COL4A2: variants seen among roughly 807,000 people sequenced by gnomAD.
COL4A2 encodes the protein collagen type IV alpha 2 chain.
In COL4A2, 99 loss-of-function variants were observed where a neutral mutation model predicts 200.2. The ratio of observed to expected loss-of-function variants is 0.49; its 90% CI spans 0.42 to 0.58. The LOEUF (loss-of-function observed/expected upper bound fraction) is 0.58. Ranked by LOEUF, COL4A2 falls within the 20% of genes least tolerant of loss-of-function variation. The probability of loss-of-function intolerance (pLI) is 0.00; values close to 1 mark genes in which losing one functional copy is unlikely to be tolerated. For missense variants in COL4A2, 1,950 were observed against 2,314.1 expected (o/e 0.84, Z 3.23); for synonymous variants, 897 against 900.6 (o/e 1.00, Z 0.07).
intron 39 of COL4A2, among the ~76,000 whole-genome samples, chr13:110,495,033 C>A (rs567552686): frequency 3.3e-5 from 5 of 152,148 alleles, no homozygotes; most frequent in African/African-American, 9.7e-5. Context: ...TGAAGAGAAG[C>A]CCCCAGGAGC....
chr13:110,319,740 A>G (rs898348745), intron 3 of COL4A2, among the ~76,000 whole-genome samples: 1 of 152,202 alleles, frequency 6.6e-6, no homozygotes, highest in Admixed American at 6.5e-5. Flanking sequence ...AAGACCAAGT[A>G]GGGACCTGAG....
Position 110,480,304 on chromosome 13 carries a change from A to G in COL4A2, c.2672A>G (p.Asp891Gly), listed in dbSNP as rs769402563. Residue 891 changes from aspartate (D) to glycine (G), a missense_variant, in exon 31 of 48, where the codon GAT (aspartate) becomes GGT (glycine). By Grantham distance (94) the Asp-to-Gly change is moderately conservative. Around this residue, in one of 2 missense-constraint regions of COL4A2, gnomAD observed 1,385 missense variants for 1,720.5 expected, o/e 0.80. Transcript: ENST00000360467. ...GMKGLSGDRGDAGFTGEQGHP... is the reference protein window; with the variant it reads ...GMKGLSGDRGGAGFTGEQGHP... ...AAAGGTCTCTCTGGTGACAGAGGAG[A>G]TGCTGGCTTCACAGGGGAGCAAGGC... 6.2e-6 allele frequency: 10 copies of G among 1,613,854 alleles called. No individual in the cohort carries two copies. Among genetic ancestry groups the G allele is most frequent in the South Asian group, 4.4e-5 (4 of 91,048 alleles).
At chr13:110,408,208 G>A (rs1185032034) in intron 4 of COL4A2, among the ~76,000 whole-genome samples, 1 of 152,210 alleles carries the variant, frequency 6.6e-6, no homozygotes, top group Non-Finnish European at 1.5e-5. Flanking sequence ...AGGAGGGAGG[G>A]GGCAGCTGTG....
At chr13:110,402,844 C>T (rs2139432080) in intron 4 of COL4A2, among the ~76,000 whole-genome samples, 1 of 145,376 alleles carries the variant, frequency 6.9e-6, no homozygotes, top group South Asian at 2.2e-4. Context: ...GAGGTGGCCA[C>T]ATTCTCACAG....
chr13:110,465,262 C>A, intron 24 of COL4A2, 143 bp from the exon 25 acceptor site: 1 of 1,085,804 alleles, frequency 9.2e-7, no homozygotes, highest in Non-Finnish European at 1.3e-6. Flanking sequence ...CTGACCATGG[C>A]ACTAGGTTCC....
intron 4 of COL4A2, among the ~76,000 whole-genome samples, chr13:110,394,776 A>G (rs1304303815): frequency 1.3e-5 from 2 of 152,210 alleles, no homozygotes; most frequent in Non-Finnish European, 2.9e-5. Flanking sequence ...GCATTCCATC[A>G]TGTAATACAT....
intron 6 of COL4A2, among the ~76,000 whole-genome samples, chr13:110,426,284 CCAA>C (rs1328693781): frequency 1.3e-5 from 2 of 152,142 alleles, no homozygotes; most frequent in Admixed American, 6.5e-5. Flanking sequence ...CTCATCTGTA[CCAA>C]GTTTCCTTCA....
At chr13:110,460,706 T>C (rs1046160188) in intron 22 of COL4A2, among the ~76,000 whole-genome samples, 2 of 152,206 alleles carry the variant, frequency 1.3e-5, no homozygotes, top group Non-Finnish European at 2.9e-5. Flanking sequence ...TGGGAGTTTT[T>C]TGGTTAGTTT....
intron 4 of COL4A2, among the ~76,000 whole-genome samples, chr13:110,376,552 C>T (rs1437252077): frequency 6.6e-6 from 1 of 152,128 alleles, no homozygotes; most frequent in Non-Finnish European, 1.5e-5. Context: ...GGAAACTTTA[C>T]TTTTTTATAA....
At chr13:110,447,267 C>A (rs2139477831) in intron 18 of COL4A2, among the ~76,000 whole-genome samples, 1 of 152,320 alleles carries the variant, frequency 6.6e-6, no homozygotes, top group Non-Finnish European at 1.5e-5. Context: ...GGTTCTTAAG[C>A]CCTCTGCTTG....
rs7992330 is a variant in COL4A2 at position 110,462,404 on chromosome 13, G to A, written c.1776+20G>A. 0.27 allele frequency: 438,200 copies of A among 1,609,344 alleles called. 62,881 individuals carry two copies. The highest frequency in any genetic ancestry group is 0.3 in the Non-Finnish European group (354,114 of 1,178,614). ...CCTCCCGTGAGTAGCCACAAACTGC[G>A]GCAGCTCCGTCCTCTCTTCTTCATC... On this transcript the variant is annotated intron_variant, in intron 24 of 47. Transcript: ENST00000360467.
chr13:110,414,356 A>T (rs779101885), intron 4 of COL4A2, among the ~76,000 whole-genome samples: 1 of 152,220 alleles, frequency 6.6e-6, no homozygotes, highest in Non-Finnish European at 1.5e-5. Flanking sequence ...TACATATATA[A>T]ATTCTTCCCA....
intron 29 of COL4A2, chr13:110,473,490 A>T (rs562022820): frequency 3.6e-6 from 1 of 277,064 alleles, no homozygotes; most frequent in Non-Finnish European, 6.7e-6. Context: ...GGTATGAAGA[A>T]AAGATGGGCC....
In COL4A2 at chr13:110,511,914, C is replaced by T. The variant is rs1160422043; in HGVS notation, c.4882-20C>T. On this transcript the variant is annotated intron_variant, in intron 47 of 47. Transcript: ENST00000360467. ...GCAGGCTGTGATTCCTAACCCTGTC[C>T]TGCCCCCCTCTCTGTGCAGCACACG... 6.2e-7 allele frequency: 1 copy of T among 1,613,190 alleles called. No individual in the cohort carries two copies. The highest frequency in any genetic ancestry group is 8.5e-7 in the Non-Finnish European group (1 of 1,180,006).
intron 28 of COL4A2, among the ~76,000 whole-genome samples, chr13:110,470,753 C>A (rs775735642): frequency 1.3e-5 from 2 of 152,174 alleles, no homozygotes; most frequent in African/African-American, 2.4e-5. Context: ...TTGAACCCTG[C>A]CCCTCCCCTG....
rs116126688 is a variant in COL4A2 at position 110,432,226 on chromosome 13, T to C, written c.649-99T>C. ...CCTCCATGCATCCTACACTGTGTCC[T>C]AAATATACAGTCAATGGCTTTCCCA... On this transcript the variant is annotated intron_variant, in intron 10 of 47. Transcript: ENST00000360467. 246 of 1,422,820 alleles carry C rather than the reference T, an allele frequency of 1.7e-4. No individual in the cohort carries two copies. The African/African-American group carries it at 3.0e-3, about 17-fold the overall frequency. The allele number at this position is 1,422,820 out of a possible 1,614,324, so 88.1% of individuals were successfully genotyped here. A position where few individuals can be genotyped will look rare whatever the true frequency, so the allele number is the denominator to read the frequency against.
intron 3 of COL4A2, among the ~76,000 whole-genome samples, chr13:110,311,617 C>G (rs2139339870): frequency 6.6e-6 from 1 of 152,308 alleles, no homozygotes; most frequent in Middle Eastern, 3.4e-3. Flanking sequence ...AGCCTGGGTG[C>G]CAGGAGGTAT....
chr13:110,317,920 A>G (rs7335264), intron 3 of COL4A2, among the ~76,000 whole-genome samples: 41,411 of 152,136 alleles, frequency 0.27, 5,683 homozygotes, highest in Middle Eastern at 0.41. Context: ...CTACAGAGAG[A>G]CAGGGGATTC....
intron 24 of COL4A2, chr13:110,463,386 C>T (rs374158349): frequency 1.8e-4 from 28 of 152,306 alleles, no homozygotes; most frequent in African/African-American, 6.3e-4. Context: ...CCTCAAAGAC[C>T]TTATTTCCAA....
Sources: allele counts gnomAD v4.1 joint callset (sites outside exome capture counted in the v4.1 genomes callset), GRCh38; gene constraint gnomAD v4.1.1; regional missense constraint gnomAD v4.1.1; transcripts MANE v1.5; gene names NCBI Gene and HGNC (gene_info 2026-07-23, HGNC 2026-07-21).